The following ANKRD13A variants were observed in gnomAD, a reference collection of about 807,000 sequenced individuals.
ANKRD13A encodes the protein ankyrin repeat domain-containing protein 13A.
ANKRD13A carries 48 observed loss-of-function variants against 81.3 expected under a neutral mutation model. The observed-to-expected ratio is 0.59, with a 90% CI of 0.47 to 0.75. The LOEUF (loss-of-function observed/expected upper bound fraction) is 0.75, where lower values mean the gene tolerates loss of function less well. Ranked by LOEUF, ANKRD13A falls within the 30% of genes least tolerant of loss-of-function variation. The probability of loss-of-function intolerance (pLI) is 0.00; values close to 1 mark genes in which losing one functional copy is unlikely to be tolerated. For missense variants in ANKRD13A, 612 were observed against 734.0 expected (o/e 0.83, Z 1.92); for synonymous variants, 230 against 270.1 (o/e 0.85, Z 1.45).
chr12:110,036,462 A>T lies in ANKRD13A; in HGVS notation c.1577+134A>T, dbSNP rs879319386. The T allele has an allele frequency of 9.1e-6, 9 of 987,298 alleles. No individual in the cohort carries two copies. The highest frequency in any genetic ancestry group is 1.6e-5 in the African/African-American group (1 of 62,312). 61.2% of individuals were successfully genotyped at this position (987,298 alleles called of 1,614,324 possible). A position where few individuals can be genotyped will look rare whatever the true frequency, so the allele number is the denominator to read the frequency against. ...CACAAACTGGCAGGAAAGACTAGAAAAAGTAGGCCAGGAGCGGTGGCTCAC... is the reference window on the plus strand; with the variant it reads ...CACAAACTGGCAGGAAAGACTAGAATAAGTAGGCCAGGAGCGGTGGCTCAC... On this transcript the variant is annotated intron_variant, in intron 14 of 14. Coordinates refer to ENST00000261739, the MANE Select transcript of ANKRD13A (RefSeq NM_033121.2). This position sits in a 1 kb window ranked among gnomAD's most constrained non-coding sequence, Gnocchi z 4.6.
In ANKRD13A at chr12:110,019,275, C is replaced by T; in HGVS notation, c.681C>T (p.Leu227=). 6.2e-7 allele frequency: 1 copy of T among 1,613,974 alleles called. No individual in the cohort carries two copies. The highest frequency in any genetic ancestry group is 8.5e-7 in the Non-Finnish European group (1 of 1,179,878). Residue 227 remains leucine, a synonymous_variant, in exon 6 of 15, where the codon CTC becomes CTT. Coordinates refer to ENST00000261739, the MANE Select transcript of ANKRD13A (RefSeq NM_033121.2). ...AAAGCAGGGAAGTTGAGCGGCGGCTCACAAGCCCTGTCATTAACACCAGCC... is the reference window on the plus strand; with the variant it reads ...AAAGCAGGGAAGTTGAGCGGCGGCTTACAAGCCCTGTCATTAACACCAGCC... ...KPKSREVERR[L]TSPVINTSLD...
chr12:110,011,595 CCT>C, intron 1 of ANKRD13A, among the ~76,000 whole-genome samples: 1 of 152,152 alleles, frequency 6.6e-6, no homozygotes, highest in Non-Finnish European at 1.5e-5. Flanking sequence ...TGATTAAGGT[CCT>C]ATACTTCCTA....
chr12:110,037,317 T>C (rs1455696095), intron 14 of ANKRD13A, 42 bp from the exon 15 acceptor site: 3 of 1,576,242 alleles, frequency 1.9e-6, no homozygotes, highest in Non-Finnish European at 1.7e-6. Context: ...ACCATGATGA[T>C]GATAGTAGTG....
At chr12:110,010,704 C>CACGT (rs1890474864) in intron 1 of ANKRD13A, among the ~76,000 whole-genome samples, 1 of 152,190 alleles carries the variant, frequency 6.6e-6, no homozygotes, top group Non-Finnish European at 1.5e-5. Flanking sequence ...TGTCTTCAAC[C>CACGT]ACGTCCCTTA....
intron 3 of ANKRD13A, among the ~76,000 whole-genome samples, chr12:110,014,976 G>A (rs1890718385): frequency 6.6e-6 from 1 of 151,464 alleles, no homozygotes; most frequent in South Asian, 2.1e-4. Context: ...TTTTAGTAGA[G>A]ATGGGGTTTC....
chr12:110,031,774 G>A (rs1891705849), intron 12 of ANKRD13A, among the ~76,000 whole-genome samples: 1 of 152,038 alleles, frequency 6.6e-6, no homozygotes, highest in Non-Finnish European at 1.5e-5. Flanking sequence ...AATTGTAAAT[G>A]GACTTATTTT....
At position 110,033,971 on chromosome 12, in the gene ANKRD13A, A is replaced by T. The variant is rs1891865314; in HGVS notation, c.1509+14A>T. On this transcript the variant is annotated intron_variant, in intron 13 of 14. Transcript: ENST00000261739. ...AGCAGGAGCCAGGTGTGTTTATCAG[A>T]ATACTCTAATGGCAGGGCGTGGGAG... The T allele has an allele frequency of 6.2e-7, 1 of 1,600,564 alleles. No homozygotes were observed. Among genetic ancestry groups the T allele is most frequent in the African/African-American group, 1.3e-5 (1 of 74,512 alleles).
chr12:110,026,217 G>A (rs1439368518), intron 8 of ANKRD13A, among the ~76,000 whole-genome samples: 3 of 151,430 alleles, frequency 2.0e-5, no homozygotes, highest in Non-Finnish European at 2.9e-5. Context: ...CACCCACCTC[G>A]GCCTCCGAAA....
chr12:110,005,818 T>C lies in ANKRD13A; in HGVS notation c.96+6034T>C, dbSNP rs190456084. Among the ~76,000 whole-genome samples, 109 of 152,280 alleles carry C rather than the reference T, an allele frequency of 7.2e-4. 1 individual carries two copies. Among genetic ancestry groups the C allele is most frequent in the Middle Eastern group, 3.4e-3 (1 of 294 alleles). On this transcript the variant is annotated intron_variant, in intron 1 of 14. Transcript: ENST00000261739. ...GCTGTGTGTATTTGTGTATATGTTT[T>C]TGTGGGTTTCCTTTTTTTTGAGACA...
intron 3 of ANKRD13A, among the ~76,000 whole-genome samples, chr12:110,015,076 G>A (rs188583359): frequency 4.4e-4 from 67 of 152,190 alleles, no homozygotes; most frequent in East Asian, 7.7e-4. Flanking sequence ...GCGCCCGGCC[G>A]CATTTCTCTT....
intron 7 of ANKRD13A, 47 bp from the exon 8 acceptor site, chr12:110,025,695 A>G (rs1334052872): frequency 6.3e-6 from 9 of 1,431,452 alleles, no homozygotes; most frequent in Non-Finnish European, 8.7e-6. Flanking sequence ...TTACTTTTGG[A>G]GTTTTGATTC....
intron 13 of ANKRD13A, among the ~76,000 whole-genome samples, chr12:110,035,907 C>T (rs1369928526): frequency 6.6e-6 from 1 of 152,084 alleles, no homozygotes; most frequent in Non-Finnish European, 1.5e-5. Context: ...AGAGTGCGAC[C>T]CTGTCTCTAA....
At chr12:110,013,306 G>A (rs1425757534) in intron 3 of ANKRD13A, 57 bp downstream of exon 3, 1 of 1,603,158 alleles carries the variant, frequency 6.2e-7, no homozygotes, top group East Asian at 2.2e-5. Flanking sequence ...TACAATTACT[G>A]GAGACACAGT....
At chr12:110,014,794 T>C (rs1370894808) in intron 3 of ANKRD13A, among the ~76,000 whole-genome samples, 4 of 150,024 alleles carry the variant, frequency 2.7e-5, no homozygotes, top group Non-Finnish European at 5.9e-5. Flanking sequence ...CTCTTCTTTT[T>C]TTTTTTTGAG....
chr12:110,002,319 A>G (rs1593193479), intron 1 of ANKRD13A, among the ~76,000 whole-genome samples: 2 of 152,166 alleles, frequency 1.3e-5, no homozygotes, highest in East Asian at 3.9e-4. Flanking sequence ...CATAATTAAA[A>G]ACAAAAAATT....
rs1384935820 is a variant in ANKRD13A at position 110,018,837 on chromosome 12, G to A, written c.545-302G>A. On this transcript the variant is annotated intron_variant, in intron 5 of 14. Coordinates refer to ENST00000261739, the MANE Select transcript of ANKRD13A (RefSeq NM_033121.2). This position sits in a 1 kb window ranked among gnomAD's most constrained non-coding sequence, Gnocchi z 4.4. ...AATGTTGTGCATACATAATTTCTGT[G>A]AATTCTGTAATAATATATTTTATAA... Among the ~76,000 whole-genome samples, 1 of 152,160 alleles carries A rather than the reference G, an allele frequency of 6.6e-6. No homozygotes were observed. Among genetic ancestry groups the A allele is most frequent in the African/African-American group, 2.4e-5 (1 of 41,434 alleles).
rs1891476900 is a variant in ANKRD13A at position 110,028,541 on chromosome 12, C to G, written c.975C>G (p.Asn325Lys). Residue 325 changes from asparagine to lysine, a missense_variant, in exon 10 of 15, where the codon AAC (asparagine) becomes AAG (lysine). Physicochemically the swap from Asn to Lys is moderately conservative, Grantham distance 94 (BLOSUM62 0). Transcript: ENST00000261739. ...GDLTTECATA[N>K]NPTAITPDEY... ...TCACCACGGAATGTGCTACTGCAAACAACCCCACAGCCATCACGCCTGATG... is the reference window on the plus strand; with the variant it reads ...TCACCACGGAATGTGCTACTGCAAAGAACCCCACAGCCATCACGCCTGATG... 6.2e-7 allele frequency: 1 copy of G among 1,614,080 alleles called. No homozygotes were observed. Among genetic ancestry groups the G allele is most frequent in the African/African-American group, 1.3e-5 (1 of 74,926 alleles).
intron 12 of ANKRD13A, 67 bp downstream of exon 12, chr12:110,030,825 T>A (rs1891643535): frequency 9.4e-7 from 1 of 1,062,516 alleles, no homozygotes; most frequent in Non-Finnish European, 1.3e-6. Flanking sequence ...CCGGACGTGG[T>A]GGCTTATGCC....
chr12:110,004,877 G>C (rs1258853769), intron 1 of ANKRD13A, among the ~76,000 whole-genome samples: 1 of 152,180 alleles, frequency 6.6e-6, no homozygotes, highest in Non-Finnish European at 1.5e-5. Flanking sequence ...TGTAAGAACT[G>C]TAAGGTAGGT....
Sources: gnomAD v4.1 joint callset for allele counts (sites outside exome capture counted in the v4.1 genomes callset) on GRCh38, gnomAD v4.1.1 for gene constraint, Gnocchi (gnomAD v3.1) non-coding constraint, MANE v1.5 for transcripts, NCBI Gene and HGNC (gene_info 2026-07-23, HGNC 2026-07-21) for gene names.